SGCD: variants seen among roughly 807,000 people sequenced by gnomAD.
SGCD encodes the protein delta-sarcoglycan.
SGCD carries 18 observed loss-of-function variants against 36.6 expected under a neutral mutation model. That is an observed-to-expected ratio of 0.49 (90% confidence interval 0.34 to 0.73). The LOEUF (loss-of-function observed/expected upper bound fraction) is 0.73, where lower values mean the gene tolerates loss of function less well. Among genes scored for constraint, SGCD ranks in the 30% least tolerant of loss-of-function variants. The pLI is 0.01. For synonymous variants in SGCD, 133 were observed against 130.6 expected, an observed-to-expected ratio of 1.02 and a Z score of -0.12; for missense variants, 387 against 346.7, an observed-to-expected ratio of 1.12 and a Z score of -0.92.
chr5:156,136,386 A>G (rs1762456429), intron 3 of SGCD, among the ~76,000 whole-genome samples: 1 of 152,368 alleles, frequency 6.6e-6, no homozygotes, highest in East Asian at 1.9e-4. Context: ...TGCTGGGATT[A>G]TAGGTGTGAG....
At chr5:155,753,191 G>C in the SGCD span, among the ~76,000 whole-genome samples, 3 of 152,054 alleles carry the variant, frequency 2.0e-5, no homozygotes, top group African/African-American at 7.3e-5. Context: ...ACAAAAATTA[G>C]CTGGGCATGG....
intron 3 of SGCD, among the ~76,000 whole-genome samples, chr5:156,143,477 C>A (rs1219084890): frequency 2.6e-5 from 4 of 152,164 alleles, no homozygotes; most frequent in Admixed American, 2.6e-4. Flanking sequence ...GTTGATTCAC[C>A]AGCAGCTTTC....
intron 1 of SGCD, among the ~76,000 whole-genome samples, chr5:155,984,000 C>T (rs1758280265): frequency 6.6e-6 from 1 of 152,160 alleles, no homozygotes; most frequent in South Asian, 2.1e-4. Context: ...TTGTTCCAGC[C>T]CATTTGTCAG....
the SGCD span, among the ~76,000 whole-genome samples, chr5:155,758,964 T>C: frequency 3.3e-4 from 50 of 152,266 alleles, no homozygotes; most frequent in Admixed American, 2.9e-3. Context: ...GTTGGTGTAT[T>C]ATTCTGTGAT....
chr5:156,478,417 T>G (rs902567755), intron 3 of SGCD, among the ~76,000 whole-genome samples: 14 of 152,286 alleles, frequency 9.2e-5, no homozygotes, highest in Admixed American at 3.9e-4. Context: ...CACGCATCTT[T>G]GTGAGACCTC....
chr5:156,124,089 A>G (rs1262454089), intron 3 of SGCD: 3 of 152,212 alleles, frequency 2.0e-5, no homozygotes, highest in Non-Finnish European at 4.4e-5. Context: ...CCATATTTGC[A>G]GCCTTTCTCC....
At chr5:156,113,770 C>G (rs938537077) in intron 1 of SGCD, among the ~76,000 whole-genome samples, 5 of 152,126 alleles carry the variant, frequency 3.3e-5, no homozygotes, top group Non-Finnish European at 5.9e-5. Flanking sequence ...GCATGTCCTT[C>G]TTTTGATGAA....
intron 1 of SGCD, among the ~76,000 whole-genome samples, chr5:155,956,778 C>G (rs1199382874): frequency 6.7e-6 from 1 of 148,268 alleles, no homozygotes. Context: ...TTTATAAGGA[C>G]CTTTTTGTTG....
chr5:155,880,386 C>T (rs1347320570), intron 1 of SGCD, among the ~76,000 whole-genome samples: 1 of 152,118 alleles, frequency 6.6e-6, no homozygotes, highest in African/African-American at 2.4e-5. Flanking sequence ...AGCTGGTATT[C>T]TGACTTAACT....
chr5:156,114,110 G>C (rs1008408072), intron 1 of SGCD, among the ~76,000 whole-genome samples: 4 of 152,074 alleles, frequency 2.6e-5, no homozygotes, highest in African/African-American at 9.7e-5. Flanking sequence ...CCCATAGAAG[G>C]CACAACACCA....
chr5:156,668,437 T>C (rs1426579347), intron 7 of SGCD, among the ~76,000 whole-genome samples: 1 of 152,218 alleles, frequency 6.6e-6, no homozygotes, highest in Non-Finnish European at 1.5e-5. Context: ...CTTTTCGTTC[T>C]GGAGTTCTCT....
chr5:156,307,565 T>G lies in SGCD; in HGVS notation c.-43-21969T>G, dbSNP rs573932937. 2.9e-3 allele frequency among the ~76,000 whole-genome samples: 430 copies of G among 147,976 alleles called. 3 individuals carry two copies. The highest frequency in any genetic ancestry group is 1.0e-2 in the African/African-American group (402 of 40,348). ...TACATTTTAACTGTTGTTTTTTTTT[T>G]TTTTTTTTTTTTTTGCCTTATTACC... On this transcript the variant is annotated intron_variant, in intron 3 of 9. Coordinates refer to the SGCD transcript ENST00000517913.
chr5:155,865,879 T>C (rs1755514247), upstream of SGCD, among the ~76,000 whole-genome samples: 1 of 152,234 alleles, frequency 6.6e-6, no homozygotes, highest in South Asian at 2.1e-4. Context: ...ACAAATGCTG[T>C]CAGTTGCTAT....
intron 1 of SGCD, among the ~76,000 whole-genome samples, chr5:156,084,087 G>A (rs1167984562): frequency 1.3e-5 from 2 of 152,046 alleles, no homozygotes; most frequent in South Asian, 2.1e-4. Context: ...AAGAACATAT[G>A]TCTTTTCAAT....
At chr5:156,122,196 C>A (rs183865809) in intron 2 of SGCD, among the ~76,000 whole-genome samples, 69 of 152,242 alleles carry the variant, frequency 4.5e-4, no homozygotes, top group African/African-American at 1.5e-3. Context: ...ACCTTACTGT[C>A]TGCTTATTCA....
chr5:156,606,419 A>T (rs1761457243), intron 6 of SGCD, among the ~76,000 whole-genome samples: 1 of 152,214 alleles, frequency 6.6e-6, no homozygotes, highest in South Asian at 2.1e-4. Context: ...CTGTTTTGGT[A>T]CCAGTACCAT....
chr5:156,302,100 G>T (rs141851736), intron 3 of SGCD, among the ~76,000 whole-genome samples: 2 of 151,926 alleles, frequency 1.3e-5, no homozygotes, highest in Non-Finnish European at 2.9e-5. Context: ...AACTTTCTAC[G>T]GCTATCTTCT....
chr5:156,153,401 A>C (rs1393085424), intron 3 of SGCD, among the ~76,000 whole-genome samples: 2 of 151,604 alleles, frequency 1.3e-5, no homozygotes, highest in Non-Finnish European at 2.9e-5. Context: ...TATTATCTCC[A>C]TGAAGGGAAG....
At chr5:156,563,722 T>C (rs1402709792) in intron 4 of SGCD, among the ~76,000 whole-genome samples, 1 of 151,810 alleles carries the variant, frequency 6.6e-6, no homozygotes, top group Non-Finnish European at 1.5e-5. Context: ...TCAGTTCTGA[T>C]CCAAAGAAAG....
Sources: allele counts gnomAD v4.1 joint callset (sites outside exome capture counted in the v4.1 genomes callset), GRCh38; gene constraint gnomAD v4.1.1; transcripts MANE v1.5; gene names NCBI Gene and HGNC (gene_info 2026-07-23, HGNC 2026-07-21).